Variants in CEP72 observed in about 807,000 individuals in gnomAD.
CEP72 encodes centrosomal protein 72.
Under a neutral mutation model 65.7 loss-of-function variants are expected in CEP72, and 78 were observed. The ratio of observed to expected loss-of-function variants is 1.19; its 90% CI spans 0.99 to 1.43. The LOEUF is 1.43. CEP72 is among the 40% of genes most tolerant of loss of function. The pLI, the probability that CEP72 is intolerant of heterozygous loss-of-function variation, is 0.00. For missense variants in CEP72, 914 were observed against 832.9 expected, an observed-to-expected ratio of 1.10 and a Z score of -1.20; for synonymous variants, 358 against 351.7, an observed-to-expected ratio of 1.02 and a Z score of -0.20.
chr5:613,672 C>G (rs1375258434), intron 1 of CEP72, among the ~76,000 whole-genome samples: 1 of 152,128 alleles, frequency 6.6e-6, no homozygotes, highest in African/African-American at 2.4e-5. Context: ...CCAGCCTGAG[C>G]TGGGGGTTTT....
chr5:637,600 G>A lies in CEP72; in HGVS notation c.988G>A (p.Gly330Arg), dbSNP rs183019673. 74 of 1,614,044 alleles carry A rather than the reference G, an allele frequency of 4.6e-5. No individual in the cohort carries two copies. The East Asian group carries it at 8.5e-4, about 18-fold the overall frequency. Residue 330 changes from glycine (G) to arginine (R), a missense_variant, in exon 7 of 12, where the codon GGA becomes AGA. By Grantham distance (125) the Gly-to-Arg change is moderately radical. Transcript: ENST00000264935. The stretch of plus-strand genomic sequence containing the variant: ...GGTGCCTGGTCCCCTGCCAGCCCCC[G>A]GAAAGTGCAGGAAGCGAAGAATGCC... Reference protein sequence around the residue: ...EMVPGPLPAPGKCRKRRMPVG... With the variant: ...EMVPGPLPAPRKCRKRRMPVG...
downstream of CEP72, chr5:661,284 C>A (rs1379327101): frequency 6.6e-6 from 1 of 151,594 alleles, no homozygotes; most frequent in Admixed American, 6.6e-5. Flanking sequence ...CTGGTGTCAC[C>A]CCCGACAGAA....
In CEP72 at chr5:647,899, G is replaced by A. The variant is rs767343504; in HGVS notation, c.1761G>A (p.Met587Ile). The change falls in exon 11 of 12, where the codon ATG becomes ATA. Residue 587 changes from methionine (M) to isoleucine (I), a missense_variant. Transcript: ENST00000264935. ...HYDKIQELTQ[M>I]LQESHSSLVS... is the part of the protein sequence containing the mutation. ...ACAAGATCCAGGAGCTCACGCAGAT[G>A]CTGCAGGAGAGCCACAGGTGCCTGC... The A allele has an allele frequency of 6.2e-7, 1 of 1,611,574 alleles. No individual in the cohort carries two copies. The highest frequency in any genetic ancestry group is 1.1e-5 in the South Asian group (1 of 90,818).
At position 644,168 on chromosome 5, in the gene CEP72, C is replaced by T. The variant is rs1297245566; in HGVS notation, c.1540-131C>T. ...GGAGATGTACCGTGAAACTGAATTA[C>T]TGCCTTTCACATCGTGACTCCCAAG... On this transcript the variant is annotated intron_variant, in intron 9 of 11. Transcript: ENST00000264935. The T allele has an allele frequency of 1.5e-5, 15 of 991,320 alleles. 1 individual carries two copies. The Middle Eastern group carries it at 1.1e-3, about 72-fold the overall frequency. 61.4% of individuals were successfully genotyped at this position (991,320 alleles called of 1,614,324 possible).
chr5:651,813 C>CCCCCT (rs1333655268), intron 11 of CEP72, among the ~76,000 whole-genome samples: 1 of 150,548 alleles, frequency 6.6e-6, no homozygotes, highest in African/African-American at 2.4e-5. Context: ...GTCAGTTCCT[C>CCCCCT]CCCCTCCCCT....
intron 11 of CEP72, among the ~76,000 whole-genome samples, 177 bp from the exon 12 acceptor site, chr5:652,811 G>T (rs1739192714): frequency 1.3e-5 from 2 of 152,244 alleles, no homozygotes; most frequent in African/African-American, 4.8e-5. Flanking sequence ...GGAAGGAGGA[G>T]GCAGGTGGGC....
chr5:675,420 CAGGGGTG>C, the CEP72 span, among the ~76,000 whole-genome samples: 1 of 47,404 alleles, frequency 2.1e-5, no homozygotes, highest in African/African-American at 9.7e-5. Context: ...GCAGTGTGGC[CAGGGGTG>C]CAGCACGGTG....
intron 10 of CEP72, among the ~76,000 whole-genome samples, chr5:647,221 G>C (rs1738485107): frequency 6.6e-6 from 1 of 152,242 alleles, no homozygotes; most frequent in African/African-American, 2.4e-5. Context: ...TTTTGCAAGA[G>C]TGTGTCTACA....
At chr5:627,187 C>T (rs1040345466) in intron 4 of CEP72, among the ~76,000 whole-genome samples, 7 of 152,172 alleles carry the variant, frequency 4.6e-5, no homozygotes, top group Non-Finnish European at 8.8e-5. Flanking sequence ...GAGATCTCTA[C>T]AGTTTGTCTG....
intron 9 of CEP72, chr5:642,591 A>T: frequency 2.0e-6 from 2 of 985,494 alleles, no homozygotes; most frequent in South Asian, 9.4e-5. Flanking sequence ...AGTCACATGC[A>T]GCTGTGGCTG....
At chr5:642,638 CT>C (rs1459422873) in intron 9 of CEP72, 1 of 985,328 alleles carries the variant, frequency 1.0e-6, no homozygotes, top group African/African-American at 1.7e-5. Context: ...TGCAGTTTGC[CT>C]AACCCCTGCA....
downstream of CEP72, among the ~76,000 whole-genome samples, chr5:658,645 ATTTTTTTTTTTTTTTTTTTTTTTTT>A (rs70955278): frequency 1.5e-3 from 83 of 55,986 alleles, no homozygotes; most frequent in Non-Finnish European, 7.8e-4. Context: ...AGCAAAGCTG[ATTTTTTTTTTTTTTTTTTTTTTTTT>A]TTTTTTTTTT....
chr5:644,097 C>T (rs977857494), intron 9 of CEP72: 7 of 566,800 alleles, frequency 1.2e-5, no homozygotes, highest in African/African-American at 3.8e-5. Context: ...CACTTCCCCC[C>T]TCCCCTGAGG....
At chr5:641,698 C>A (rs1051354719) in intron 9 of CEP72, 1 of 984,986 alleles carries the variant, frequency 1.0e-6, no homozygotes, top group Admixed American at 6.2e-5. Context: ...CCCCATCCCC[C>A]GTCCAGAAGT....
chr5:626,662 CT>C (rs894255965), intron 4 of CEP72, among the ~76,000 whole-genome samples: 12 of 150,488 alleles, frequency 8.0e-5, no homozygotes, highest in Admixed American at 1.3e-4. Flanking sequence ...TGTAAGAAAA[CT>C]TTTTTTTTTC....
At position 624,572 on chromosome 5, in the gene CEP72, G is replaced by A; in HGVS notation, c.505G>A (p.Glu169Lys). Residue 169 changes from glutamate (E) to lysine (K), a missense_variant, in exon 4 of 12, where the codon GAG (glutamate) becomes AAG (lysine). By Grantham distance (56) the Glu-to-Lys change is moderately conservative. Coordinates refer to ENST00000264935, the MANE Select transcript of CEP72 (RefSeq NM_018140.4). This position sits in a 1 kb window ranked among gnomAD's most constrained non-coding sequence, Gnocchi z 4.7. ...AGAGAGCGTCCCAGCTTCTTTGAAAGAGGGCAGGTATGAACGGAAGTGCTA... is the reference window on the plus strand; with the variant it reads ...AGAGAGCGTCCCAGCTTCTTTGAAAAAGGGCAGGTATGAACGGAAGTGCTA... ...SKESVPASLK[E>K]GRPHHPRAKC... 6.2e-7 allele frequency: 1 copy of A among 1,609,474 alleles called. No homozygotes were observed. The highest frequency in any genetic ancestry group is 8.5e-7 in the Non-Finnish European group (1 of 1,175,704).
chr5:658,724 A>G (rs1207409448), downstream of CEP72, among the ~76,000 whole-genome samples: 3 of 115,040 alleles, frequency 2.6e-5, no homozygotes, highest in Admixed American at 1.3e-4. Context: ...GCTGGAGTGC[A>G]GTGGCGTGAT....
intron 11 of CEP72, among the ~76,000 whole-genome samples, chr5:649,660 T>G (rs1282327673): frequency 2.0e-5 from 1 of 50,330 alleles, no homozygotes; most frequent in African/African-American, 1.0e-4. Flanking sequence ...GACTGTGAGG[T>G]GTGCCTGTGA....
At chr5:666,545 A>G (rs901093867) in intron 4 of CEP72, among the ~76,000 whole-genome samples, 3 of 152,180 alleles carry the variant, frequency 2.0e-5, no homozygotes, top group African/African-American at 7.2e-5. Context: ...CCCACACAGG[A>G]ACATGGTTAG....
Sources: allele counts gnomAD v4.1 joint callset (sites outside exome capture counted in the v4.1 genomes callset), GRCh38; gene constraint gnomAD v4.1.1; non-coding constraint Gnocchi (gnomAD v3.1); transcripts MANE v1.5; gene names NCBI Gene and HGNC (gene_info 2026-07-23, HGNC 2026-07-21).